Variants in CNTNAP3B observed in about 807,000 individuals in gnomAD.
The protein encoded by CNTNAP3B is contactin-associated protein-like 3B.
Under a neutral mutation model 108.9 loss-of-function variants are expected in CNTNAP3B, and 25 were observed. That is an observed-to-expected ratio of 0.23 (90% CI 0.17 to 0.32). CNTNAP3B has a LOEUF of 0.32. CNTNAP3B is among the 10% of genes least tolerant of loss of function. The pLI is 1.00. For synonymous variants in CNTNAP3B, 103 were observed against 473.4 expected, an observed-to-expected ratio of 0.22 and a Z score of 10.16; for missense variants, 252 against 1,210.4, an observed-to-expected ratio of 0.21 and a Z score of 11.75.
At chr9:42,030,600 C>T (rs1359860441) in intron 3 of CNTNAP3B, among the ~76,000 whole-genome samples, 4 of 57,702 alleles carry the variant, frequency 6.9e-5, no homozygotes, top group Middle Eastern at 5.8e-3. Flanking sequence ...CTGCCCTTAT[C>T]CCATCCAGTG....
At chr9:42,120,668 T>C (rs1373060905) in intron 1 of CNTNAP3B, among the ~76,000 whole-genome samples, 1 of 136,972 alleles carries the variant, frequency 7.3e-6, no homozygotes, top group Admixed American at 7.3e-5. Flanking sequence ...TCATGTCCTT[T>C]GTAGGGACAT....
intron 3 of CNTNAP3B, among the ~76,000 whole-genome samples, chr9:42,027,593 TGTTA>T (rs1826434165): frequency 1.7e-5 from 1 of 57,550 alleles, no homozygotes. Context: ...ATGAAGTGAC[TGTTA>T]ATTAAAATCA....
At chr9:42,107,817 T>C (rs1362831374) in intron 1 of CNTNAP3B, among the ~76,000 whole-genome samples, 1 of 131,696 alleles carries the variant, frequency 7.6e-6, no homozygotes, top group Non-Finnish European at 1.6e-5. Context: ...CTACTAAAAA[T>C]ACAAAAAATT....
chr9:42,122,771 G>A (rs1177153199), intron 1 of CNTNAP3B, among the ~76,000 whole-genome samples: 3 of 132,610 alleles, frequency 2.3e-5, no homozygotes, highest in Non-Finnish European at 4.8e-5. Flanking sequence ...TGCCACAACA[G>A]AAGCTTTGCT....
chr9:41,986,862 CT>C, intron 8 of CNTNAP3B, among the ~76,000 whole-genome samples: 1 of 137,394 alleles, frequency 7.3e-6, no homozygotes, highest in Admixed American at 7.4e-5. Context: ...CCTGCTTTCA[CT>C]GTCTGAGCTA....
At chr9:41,999,550 C>T (rs1253482606) in intron 4 of CNTNAP3B, among the ~76,000 whole-genome samples, 5 of 119,728 alleles carry the variant, frequency 4.2e-5, no homozygotes, top group Admixed American at 8.6e-5. Flanking sequence ...CACACACATA[C>T]ACACACACAC....
At chr9:41,925,779 C>A (rs1269370804) in intron 15 of CNTNAP3B, among the ~76,000 whole-genome samples, 1 of 152,268 alleles carries the variant, frequency 6.6e-6, no homozygotes, top group South Asian at 2.1e-4. Context: ...AAGCTGACAC[C>A]CATGCCTTTT....
chr9:41,918,253 AG>A (rs1359204826), intron 18 of CNTNAP3B, among the ~76,000 whole-genome samples: 1 of 150,566 alleles, frequency 6.6e-6, no homozygotes, highest in Non-Finnish European at 1.5e-5. Context: ...CCCTCCTTCA[AG>A]GTCAGAATTT....
intron 1 of CNTNAP3B, among the ~76,000 whole-genome samples, chr9:42,110,363 G>T (rs1368909253): frequency 7.3e-6 from 1 of 136,706 alleles, no homozygotes; most frequent in African/African-American, 2.9e-5. Flanking sequence ...GCACTGTGTC[G>T]GCGGAACCTA....
At chr9:41,968,998 A>T (rs1428415888) in intron 10 of CNTNAP3B, among the ~76,000 whole-genome samples, 2 of 152,280 alleles carry the variant, frequency 1.3e-5, no homozygotes, top group African/African-American at 2.4e-5. Context: ...GGGTTTCACC[A>T]TGTTAGCCAG....
At chr9:41,927,890 C>G (rs1374194658) in intron 15 of CNTNAP3B, among the ~76,000 whole-genome samples, 2 of 136,210 alleles carry the variant, frequency 1.5e-5, no homozygotes, top group Non-Finnish European at 3.1e-5. Flanking sequence ...TTGGAAGAAA[C>G]AGAAAAAATG....
intron 2 of CNTNAP3B, among the ~76,000 whole-genome samples, chr9:42,078,878 G>A (rs1224849340): frequency 7.9e-5 from 12 of 151,494 alleles, no homozygotes; most frequent in Admixed American, 3.9e-4. Context: ...AACTTTTCAG[G>A]ATGTAACAGA....
chr9:41,959,639 CTG>C (rs1347257771), intron 12 of CNTNAP3B, among the ~76,000 whole-genome samples: 6 of 152,304 alleles, frequency 3.9e-5, no homozygotes, highest in Admixed American at 2.0e-4. Flanking sequence ...GGCAGAACGC[CTG>C]TGTTTCTTTA....
chr9:41,935,646 T>A (rs2118040453), intron 14 of CNTNAP3B, among the ~76,000 whole-genome samples: 1 of 152,370 alleles, frequency 6.6e-6, no homozygotes, highest in South Asian at 2.1e-4. Context: ...TACAAAACAA[T>A]CTACAAGAGT....
At chr9:41,979,873 G>A (rs1281181380) in intron 9 of CNTNAP3B, 1 of 127,804 alleles carries the variant, frequency 7.8e-6, no homozygotes, top group Admixed American at 7.8e-5. Flanking sequence ...ACAGGCGTGG[G>A]CCACCACCTA....
intron 14 of CNTNAP3B, among the ~76,000 whole-genome samples, chr9:41,933,253 G>A (rs966572606): frequency 6.6e-6 from 1 of 152,288 alleles, no homozygotes. Flanking sequence ...TGCACTGTAG[G>A]ATGCTCAGCA....
At chr9:41,927,403 CAGG>C (rs1823850183) in intron 15 of CNTNAP3B, among the ~76,000 whole-genome samples, 1 of 124,674 alleles carries the variant, frequency 8.0e-6, no homozygotes, top group Non-Finnish European at 1.7e-5. Flanking sequence ...AAAAAGAAGA[CAGG>C]AAAGAAAGAA....
At chr9:41,975,059 C>A (rs1414570719) in intron 9 of CNTNAP3B, 1 of 246,734 alleles carries the variant, frequency 4.1e-6, no homozygotes, top group Non-Finnish European at 7.7e-6. Context: ...TCCTCACTAA[C>A]GTGGTGGGAA....
intron 9 of CNTNAP3B, among the ~76,000 whole-genome samples, chr9:41,972,581 A>G (rs2118272026): frequency 7.2e-6 from 1 of 139,010 alleles, no homozygotes; most frequent in Admixed American, 7.2e-5. Flanking sequence ...CCTCCCTCAT[A>G]TTAAGGCTTC....
Sources: allele counts gnomAD v4.1 joint callset (sites outside exome capture counted in the v4.1 genomes callset), GRCh38; gene constraint gnomAD v4.1.1; transcripts MANE v1.5; gene names NCBI Gene and HGNC (gene_info 2026-07-23, HGNC 2026-07-21).